The following PRELID2 variants were observed in gnomAD, a reference collection of about 807,000 sequenced individuals.
PRELID2 encodes the protein PRELI domain containing 2.
Under a neutral mutation model 28.4 loss-of-function variants are expected in PRELID2, and 25 were observed. The observed-to-expected ratio is 0.88, with a 90% CI of 0.64 to 1.23. The LOEUF (loss-of-function observed/expected upper bound fraction) is 1.23. Among genes scored for constraint, PRELID2 ranks in the 50% most tolerant of loss-of-function variants. The pLI is 0.00. For missense variants in PRELID2, 201 were observed against 214.4 expected (o/e 0.94, Z 0.39); for synonymous variants, 76 against 71.6 (o/e 1.06, Z -0.31).
At chr5:145,824,997 G>A (rs375007740) in intron 1 of PRELID2, among the ~76,000 whole-genome samples, 19 of 151,946 alleles carry the variant, frequency 1.3e-4, no homozygotes, top group South Asian at 4.2e-4. Flanking sequence ...AGGCTGAGGC[G>A]GGTGGATCAC....
Position 145,670,833 on chromosome 5 carries a change from A to G in PRELID2, n.70+94098T>C, listed in dbSNP as rs140660974. Reference sequence around the variant, plus strand: ...TAGCTGGATCTAGAAAACAACTAAAATGTTCTCAAGTTCTTAAAATGAATA... The same window carrying G: ...TAGCTGGATCTAGAAAACAACTAAAGTGTTCTCAAGTTCTTAAAATGAATA... On this transcript the variant is annotated intron_variant and non_coding_transcript_variant, in intron 1 of 2. Transcript: ENST00000510259. 4.0e-4 allele frequency among the ~76,000 whole-genome samples: 61 copies of G among 152,254 alleles called. 1 individual carries two copies. Among genetic ancestry groups the G allele is most frequent in the African/African-American group, 1.4e-3 (59 of 41,554 alleles).
At chr5:145,531,292 A>G (rs917598249) in intron 1 of PRELID2, among the ~76,000 whole-genome samples, 1 of 152,136 alleles carries the variant, frequency 6.6e-6, no homozygotes, top group African/African-American at 2.4e-5. Context: ...CTGTTCTGAC[A>G]CAGACTAAAA....
At chr5:145,435,279 C>A in the PRELID2 span, among the ~76,000 whole-genome samples, 2 of 151,996 alleles carry the variant, frequency 1.3e-5, no homozygotes, top group Admixed American at 6.6e-5. Context: ...TCAGGGAGGG[C>A]GTCTTTGAGG....
At chr5:145,724,646 T>A (rs1240688239) in intron 1 of PRELID2, among the ~76,000 whole-genome samples, 3 of 120,088 alleles carry the variant, frequency 2.5e-5, no homozygotes, top group Non-Finnish European at 3.5e-5. Context: ...TATATATATA[T>A]AATGCCTGTA....
chr5:145,356,452 C>G, the PRELID2 span, among the ~76,000 whole-genome samples: 1 of 151,504 alleles, frequency 6.6e-6, no homozygotes, highest in Non-Finnish European at 1.5e-5. Flanking sequence ...CTGGGTGCTC[C>G]TGTGTTGGGT....
the PRELID2 span, among the ~76,000 whole-genome samples, chr5:145,306,418 T>C: frequency 1.3e-5 from 2 of 152,142 alleles, no homozygotes; most frequent in Non-Finnish European, 2.9e-5. Context: ...CAATTTGATT[T>C]AATAATTCCA....
the PRELID2 span, among the ~76,000 whole-genome samples, chr5:145,377,924 T>C: frequency 1.3e-5 from 2 of 152,266 alleles, no homozygotes; most frequent in South Asian, 4.1e-4. Flanking sequence ...TGCAGAATTG[T>C]TTATGTGGTT....
chr5:145,288,245 C>A, the PRELID2 span, among the ~76,000 whole-genome samples: 3 of 152,068 alleles, frequency 2.0e-5, no homozygotes, highest in Non-Finnish European at 4.4e-5. Flanking sequence ...TGTGGATTCA[C>A]CCCCAATAGA....
chr5:145,254,137 T>A, the PRELID2 span, among the ~76,000 whole-genome samples: 1 of 152,108 alleles, frequency 6.6e-6, no homozygotes, highest in African/African-American at 2.4e-5. Context: ...CCACAAAATT[T>A]CAGTGAACTT....
Position 145,735,071 on chromosome 5 carries a change from C to T in PRELID2, n.70+29860G>A, listed in dbSNP as rs572024115. Among the ~76,000 whole-genome samples, 8 of 128,934 alleles carry T rather than the reference C, an allele frequency of 6.2e-5. No individual in the cohort carries two copies. The Admixed American group carries it at 6.9e-4, about 11-fold the overall frequency. The allele number at this position is 128,934 out of a possible 152,430, so 84.6% of individuals were successfully genotyped here. On this transcript the variant is annotated intron_variant and non_coding_transcript_variant, in intron 1 of 2. Coordinates refer to the PRELID2 transcript ENST00000510259. ...ACCAGCCTGGCCAACATGATGAAAC[C>T]CCATCTCTACTAAAAATACAAAAAT...
chr5:145,274,191 T>C, the PRELID2 span, among the ~76,000 whole-genome samples: 4 of 152,286 alleles, frequency 2.6e-5, no homozygotes, highest in South Asian at 8.3e-4. Context: ...TAAAGTACAA[T>C]TATTGTTTTG....
At chr5:145,291,985 T>A in the PRELID2 span, among the ~76,000 whole-genome samples, 5 of 152,198 alleles carry the variant, frequency 3.3e-5, no homozygotes, top group African/African-American at 9.7e-5. Context: ...TTTTTCCATA[T>A]ATGATATAAT....
intron 1 of PRELID2, among the ~76,000 whole-genome samples, chr5:145,612,061 A>T (rs995753190): frequency 6.6e-6 from 1 of 152,210 alleles, no homozygotes; most frequent in African/African-American, 2.4e-5. Context: ...TTACCAACTG[A>T]TATTAGGACA....
At chr5:145,523,459 C>A (rs777675555) in intron 1 of PRELID2, among the ~76,000 whole-genome samples, 2 of 152,202 alleles carry the variant, frequency 1.3e-5, no homozygotes, top group Non-Finnish European at 2.9e-5. Context: ...ACAAATACCA[C>A]ACACTGGAAG....
rs186975891 is a variant in PRELID2 at position 145,737,560 on chromosome 5, C to T, written n.70+27371G>A. ...ATTTTTGCCTCACATATCCCAGGTACTAGAGAAGCTGGCAGCCTGAAAACA... is the reference window on the plus strand; with the variant it reads ...ATTTTTGCCTCACATATCCCAGGTATTAGAGAAGCTGGCAGCCTGAAAACA... On this transcript the variant is annotated intron_variant and non_coding_transcript_variant, in intron 1 of 2. Transcript: ENST00000510259. Among the ~76,000 whole-genome samples, 16 of 152,288 alleles carry T rather than the reference C, an allele frequency of 1.1e-4. No homozygotes were observed. In the South Asian group the frequency reaches 1.9e-3, roughly 18 times the overall value.
intron 1 of PRELID2, among the ~76,000 whole-genome samples, chr5:145,695,018 G>A (rs561153116): frequency 6.6e-6 from 1 of 152,320 alleles, no homozygotes; most frequent in East Asian, 1.9e-4. Context: ...TCCTCGGCTG[G>A]TTACTACGGA....
chr5:145,481,478 C>A (rs1467549926), intron 1 of PRELID2, among the ~76,000 whole-genome samples: 1 of 151,108 alleles, frequency 6.6e-6, no homozygotes, highest in Non-Finnish European at 1.5e-5. Flanking sequence ...ATTATTTGAT[C>A]TTGTTTATGT....
intron 1 of PRELID2, among the ~76,000 whole-genome samples, chr5:145,478,345 A>G (rs1256528765): frequency 1.3e-5 from 2 of 152,172 alleles, no homozygotes; most frequent in Non-Finnish European, 2.9e-5. Context: ...CAGGAGTTCA[A>G]TACCAGCCTG....
At chr5:145,647,657 G>A (rs888894876) in intron 1 of PRELID2, among the ~76,000 whole-genome samples, 3 of 152,204 alleles carry the variant, frequency 2.0e-5, no homozygotes, top group Admixed American at 6.5e-5. Context: ...GAAACCCAAG[G>A]CCCTGGTGGC....
Sources: gnomAD v4.1 joint callset for allele counts (sites outside exome capture counted in the v4.1 genomes callset) on GRCh38, gnomAD v4.1.1 for gene constraint, MANE v1.5 for transcripts, NCBI Gene and HGNC (gene_info 2026-07-23, HGNC 2026-07-21) for gene names.